TRANK1: variants seen among roughly 807,000 people sequenced by gnomAD.
TRANK1 encodes the protein TPR and ankyrin repeat-containing protein 1.
A neutral mutation model predicts 266.0 loss-of-function variants in TRANK1; 198 were observed. The ratio of observed to expected loss-of-function variants is 0.74; its 90% CI spans 0.66 to 0.84. TRANK1 has a LOEUF of 0.84. TRANK1 is among the 40% of genes least tolerant of loss of function. The pLI, the probability that TRANK1 is intolerant of heterozygous loss-of-function variation, is 0.00. For synonymous variants in TRANK1, 1,396 were observed against 1,384.1 expected, an observed-to-expected ratio of 1.01 and a Z score of -0.19; for missense variants, 3,326 against 3,634.6, an observed-to-expected ratio of 0.92 and a Z score of 2.18.
chr3:36,922,101 A>G (rs1039954072), intron 1 of TRANK1, among the ~76,000 whole-genome samples: 4 of 152,148 alleles, frequency 2.6e-5, no homozygotes. Flanking sequence ...AACCATGACT[A>G]TGCCACTGCA....
Position 36,873,750 on chromosome 3 carries a change from C to T in TRANK1, c.1078+376G>A, listed in dbSNP as rs183894751. On this transcript the variant is annotated intron_variant, in intron 9 of 23. Transcript: ENST00000645898. ...TGATAAACCAAGAAATAGAGATGTA[C>T]GTGTATTTTAAATTGTTGGCCATAA... Among the ~76,000 whole-genome samples, 1,435 of 151,924 alleles carry T rather than the reference C, an allele frequency of 9.4e-3. 15 individuals carry two copies. Among genetic ancestry groups the T allele is most frequent in the Non-Finnish European group, 0.014 (972 of 67,942 alleles).
chr3:36,869,143 C>A (rs1468387905), intron 9 of TRANK1, among the ~76,000 whole-genome samples: 4 of 152,184 alleles, frequency 2.6e-5, no homozygotes, highest in African/African-American at 9.7e-5. Context: ...CCTGGCTTGC[C>A]CTGGCAGCTA....
intron 8 of TRANK1, among the ~76,000 whole-genome samples, chr3:36,875,900 A>G (rs2079381484): frequency 6.6e-6 from 1 of 152,248 alleles, no homozygotes; most frequent in African/African-American, 2.4e-5. Flanking sequence ...ACAATCACAG[A>G]AATGTTGGGA....
intron 20 of TRANK1, among the ~76,000 whole-genome samples, chr3:36,836,843 A>C (rs111474942): frequency 1.2e-4 from 19 of 152,278 alleles, no homozygotes; most frequent in Admixed American, 5.9e-4. Flanking sequence ...CTGATGCTAG[A>C]CTCTAACTGG....
chr3:36,866,954 C>A (rs1160961308), intron 9 of TRANK1, among the ~76,000 whole-genome samples: 1 of 152,164 alleles, frequency 6.6e-6, no homozygotes, highest in East Asian at 1.9e-4. Flanking sequence ...TCATTGCCCA[C>A]TCTAATCAAG....
intron 1 of TRANK1, among the ~76,000 whole-genome samples, chr3:36,936,657 G>A (rs1344181276): frequency 6.6e-6 from 1 of 152,274 alleles, no homozygotes; most frequent in Middle Eastern, 3.4e-3. Flanking sequence ...GTAAACTCAG[G>A]CTAAAAACAG....
intron 8 of TRANK1, among the ~76,000 whole-genome samples, chr3:36,875,225 G>C (rs2079369465): frequency 6.6e-6 from 1 of 152,208 alleles, no homozygotes; most frequent in Non-Finnish European, 1.5e-5. Context: ...AGATTATCCA[G>C]AGAGGCCTGA....
chr3:36,829,356 C>T (rs2078665730), intron 23 of TRANK1, among the ~76,000 whole-genome samples: 1 of 152,126 alleles, frequency 6.6e-6, no homozygotes, highest in African/African-American at 2.4e-5. Context: ...CTAACATGTG[C>T]CCAGAATAAT....
chr3:36,861,289 A>G lies in TRANK1; in HGVS notation c.1241-129T>C, dbSNP rs1404191291. On this transcript the variant is annotated intron_variant, in intron 10 of 23. Transcript: ENST00000645898. ...AAACAAGTAGTTGATTATTTGGGCC[A>G]TGTTGCTTAACCACTCATGAACATC... 3 of 1,191,630 alleles carry G rather than the reference A, an allele frequency of 2.5e-6. No individual in the cohort carries two copies. In the African/African-American group the frequency reaches 4.6e-5, roughly 18 times the overall value. 73.8% of individuals were successfully genotyped at this position (1,191,630 alleles called of 1,614,324 possible).
chr3:36,842,492 T>C (rs1204676295), intron 18 of TRANK1, 130 bp downstream of exon 18: 1 of 780,332 alleles, frequency 1.3e-6, no homozygotes, highest in Non-Finnish European at 2.2e-6. Flanking sequence ...TGACCTGATG[T>C]TTCAGAACAC....
intron 2 of TRANK1, among the ~76,000 whole-genome samples, chr3:36,904,537 AT>A (rs1357210185): frequency 2.0e-5 from 3 of 150,424 alleles, no homozygotes; most frequent in Admixed American, 6.6e-5. Context: ...AAAAAAAAAA[AT>A]CTTAATCGTA....
intron 18 of TRANK1, among the ~76,000 whole-genome samples, chr3:36,841,551 T>G (rs2078844703): frequency 6.6e-6 from 1 of 152,264 alleles, no homozygotes; most frequent in Middle Eastern, 3.4e-3. Context: ...CACAAAAGGT[T>G]AAAACTGCCA....
At chr3:36,889,780 C>T in intron 8 of TRANK1, 49 bp downstream of exon 8, 1 of 1,494,410 alleles carries the variant, frequency 6.7e-7, no homozygotes, top group Non-Finnish European at 8.9e-7. Context: ...TCCTCAAAGC[C>T]TGACACCAGC....
At chr3:36,835,126 C>T (rs984639111) in intron 20 of TRANK1, among the ~76,000 whole-genome samples, 22 of 151,252 alleles carry the variant, frequency 1.5e-4, no homozygotes, top group African/African-American at 5.1e-4. Flanking sequence ...GAGACCATCC[C>T]GGCTAAAACG....
At chr3:36,918,939 TC>T (rs2080176750) in intron 1 of TRANK1, among the ~76,000 whole-genome samples, 1 of 152,224 alleles carries the variant, frequency 6.6e-6, no homozygotes, top group Admixed American at 6.5e-5. Flanking sequence ...AGTTAAAATA[TC>T]CCCCAGCAGG....
At chr3:36,921,163 T>C (rs2080208012) in intron 1 of TRANK1, among the ~76,000 whole-genome samples, 1 of 152,154 alleles carries the variant, frequency 6.6e-6, no homozygotes, top group Non-Finnish European at 1.5e-5. Flanking sequence ...TGCCAAACTG[T>C]TAACCCCACC....
At chr3:36,930,765 G>A (rs1575331073) in intron 1 of TRANK1, among the ~76,000 whole-genome samples, 1 of 152,090 alleles carries the variant, frequency 6.6e-6, no homozygotes, top group South Asian at 2.1e-4. Flanking sequence ...AATCAGAACA[G>A]TGATTGCCAA....
At chr3:36,938,477 A>G (rs2080454430) in intron 1 of TRANK1, among the ~76,000 whole-genome samples, 1 of 151,800 alleles carries the variant, frequency 6.6e-6, no homozygotes, top group Admixed American at 6.6e-5. Context: ...TCAGCCTCCC[A>G]AAGTGCTGGG....
intron 8 of TRANK1, among the ~76,000 whole-genome samples, chr3:36,882,279 G>T (rs1445569907): frequency 6.6e-6 from 1 of 152,086 alleles, no homozygotes; most frequent in South Asian, 2.1e-4. Context: ...ATCCTGGTGG[G>T]TATAAAGTGT....
Sources: gnomAD v4.1 joint callset for allele counts (sites outside exome capture counted in the v4.1 genomes callset) on GRCh38, gnomAD v4.1.1 for gene constraint, MANE v1.5 for transcripts, NCBI Gene and HGNC (gene_info 2026-07-23, HGNC 2026-07-21) for gene names.